The following CA10 variants were observed in gnomAD, a reference collection of about 807,000 sequenced individuals.
CA10 encodes carbonic anhydrase-related protein 10.
A neutral mutation model predicts 44.2 loss-of-function variants in CA10; 14 were observed. The ratio of observed to expected loss-of-function variants is 0.32; its 90% CI spans 0.21 to 0.50. The LOEUF (loss-of-function observed/expected upper bound fraction) is 0.50, where lower values mean the gene tolerates loss of function less well. Ranked by LOEUF, CA10 falls within the 20% of genes least tolerant of loss-of-function variation. The pLI is 0.99. For synonymous variants in CA10, 159 were observed against 141.6 expected (o/e 1.12, Z -0.87); for missense variants, 350 against 409.7 (o/e 0.85, Z 1.26).
chr17:51,653,688 C>A lies in CA10; in HGVS notation c.514G>T (p.Ala172Ser), dbSNP rs2042854654. 1 of 1,611,960 alleles carries A rather than the reference C, an allele frequency of 6.2e-7. No homozygotes were observed. Among genetic ancestry groups the A allele is most frequent in the Non-Finnish European group, 8.5e-7 (1 of 1,178,042 alleles). ...NHELYTNVTE[A>S]AKSPNGLVVV... ...ACCAATCCATTTGGACTCTTTGCAG[C>A]TTCTGTGACATTCGTATATAGCTCA... Residue 172 changes from alanine to serine, a missense_variant, in exon 5 of 9, where the codon GCT becomes TCT. Coordinates refer to ENST00000451037, the MANE Select transcript of CA10 (RefSeq NM_020178.5).
At chr17:51,976,844 A>G (rs1189792206) in intron 2 of CA10, among the ~76,000 whole-genome samples, 1 of 152,054 alleles carries the variant, frequency 6.6e-6, no homozygotes, top group Non-Finnish European at 1.5e-5. Context: ...TCACGATGAA[A>G]AGGTAAAACA....
chr17:52,136,268 G>T (rs891535950), intron 1 of CA10, among the ~76,000 whole-genome samples: 2 of 152,166 alleles, frequency 1.3e-5, no homozygotes, highest in African/African-American at 4.8e-5. Flanking sequence ...TGAAGTTAGT[G>T]GTTGCACAAT....
intron 1 of CA10, among the ~76,000 whole-genome samples, chr17:52,085,317 C>T (rs1988088839): frequency 6.6e-6 from 1 of 152,186 alleles, no homozygotes; most frequent in Admixed American, 6.5e-5. Context: ...CATCCATGCT[C>T]CCTGCTGTGG....
chr17:51,824,178 T>C lies in CA10; in HGVS notation c.280-76360A>G, dbSNP rs144777054. ...GAATGAACATATGAGTTAGGTTTCATGGCTCTTTTACTGAGAAATAAACCA... is the reference window on the plus strand; with the variant it reads ...GAATGAACATATGAGTTAGGTTTCACGGCTCTTTTACTGAGAAATAAACCA... On this transcript the variant is annotated intron_variant, in intron 3 of 8. Transcript: ENST00000451037. 1.4e-3 allele frequency among the ~76,000 whole-genome samples: 210 copies of C among 152,358 alleles called. 1 individual carries two copies. The highest frequency in any genetic ancestry group is 5.0e-3 in the African/African-American group (206 of 41,590).
chr17:51,714,418 G>A (rs1377400523), intron 4 of CA10, among the ~76,000 whole-genome samples: 2 of 152,114 alleles, frequency 1.3e-5, no homozygotes, highest in Non-Finnish European at 2.9e-5. Context: ...GAGATTTAAG[G>A]CAGTGTATAA....
intron 1 of CA10, among the ~76,000 whole-genome samples, chr17:52,134,713 C>T (rs1989313642): frequency 6.6e-6 from 1 of 152,172 alleles, no homozygotes; most frequent in Non-Finnish European, 1.5e-5. Context: ...TACAACTGCA[C>T]ATCTGCCTCT....
intron 4 of CA10, among the ~76,000 whole-genome samples, chr17:51,744,887 T>G (rs1268954572): frequency 6.6e-6 from 1 of 152,202 alleles, no homozygotes; most frequent in African/African-American, 2.4e-5. Context: ...TTTCGGGGAC[T>G]CTGAAATTCT....
intron 3 of CA10, among the ~76,000 whole-genome samples, chr17:51,894,471 G>T (rs771159376): frequency 2.0e-5 from 3 of 152,044 alleles, no homozygotes; most frequent in Non-Finnish European, 4.4e-5. Flanking sequence ...CTAAAGAAAA[G>T]ACTTCCCAGT....
chr17:51,897,202 G>C (rs906092337), intron 3 of CA10, among the ~76,000 whole-genome samples: 2 of 152,014 alleles, frequency 1.3e-5, no homozygotes, highest in African/African-American at 4.8e-5. Context: ...TGTGGTTTTA[G>C]GTTTTACATT....
chr17:51,953,085 T>A (rs1301726725), intron 2 of CA10, among the ~76,000 whole-genome samples: 1 of 152,172 alleles, frequency 6.6e-6, no homozygotes, highest in African/African-American at 2.4e-5. Context: ...TTATACAAAC[T>A]TTCCTCGTTT....
chr17:51,846,647 C>A (rs554923497), intron 3 of CA10, among the ~76,000 whole-genome samples: 1 of 152,284 alleles, frequency 6.6e-6, no homozygotes, highest in Admixed American at 6.5e-5. Context: ...CTTTTGAATG[C>A]CAGCAAAAAG....
chr17:51,946,799 C>T (rs753314522), intron 2 of CA10, among the ~76,000 whole-genome samples: 7 of 152,062 alleles, frequency 4.6e-5, no homozygotes, highest in Non-Finnish European at 8.8e-5. Flanking sequence ...CATGTTTTTG[C>T]GTCTTAATAA....
chr17:51,685,758 G>T (rs1914987609), intron 4 of CA10, among the ~76,000 whole-genome samples: 1 of 152,202 alleles, frequency 6.6e-6, no homozygotes, highest in Admixed American at 6.5e-5. Flanking sequence ...CAACAGAGGT[G>T]AAGGTTGAAG....
intron 4 of CA10, among the ~76,000 whole-genome samples, chr17:51,715,190 G>A (rs534135371): frequency 2.0e-5 from 3 of 151,970 alleles, no homozygotes; most frequent in South Asian, 2.1e-4. Flanking sequence ...CACAGGAAGC[G>A]GAACATCACA....
Position 51,731,802 on chromosome 17 carries a change from C to T in CA10, c.465+15831G>A, listed in dbSNP as rs766080429. ...AAGCAATTCTTGTGCCTCAGCCTCC[C>T]GAGTAGCTGGGATTACAGACACCCA... On this transcript the variant is annotated intron_variant, in intron 4 of 8. Transcript: ENST00000451037. Among the ~76,000 whole-genome samples the T allele has an allele frequency of 1.2e-4, 18 of 152,014 alleles. No homozygotes were observed. The South Asian group carries it at 2.5e-3, about 21-fold the overall frequency.
chr17:51,839,268 G>A (rs940992454), intron 3 of CA10, among the ~76,000 whole-genome samples: 5 of 152,062 alleles, frequency 3.3e-5, no homozygotes, highest in African/African-American at 4.8e-5. Context: ...CAAGGTGGGC[G>A]GATCACGAGG....
intron 2 of CA10, among the ~76,000 whole-genome samples, chr17:52,017,605 C>G (rs181725599): frequency 6.6e-6 from 1 of 152,004 alleles, no homozygotes; most frequent in Non-Finnish European, 1.5e-5. Flanking sequence ...GTTAATTAGA[C>G]GCACATGCAA....
intron 1 of CA10, among the ~76,000 whole-genome samples, chr17:52,141,972 G>C (rs1248592699): frequency 1.3e-5 from 2 of 152,204 alleles, no homozygotes; most frequent in East Asian, 3.9e-4. Flanking sequence ...GACAAGAAGA[G>C]CCGATGGGGC....
chr17:52,132,080 C>G (rs930710261), intron 1 of CA10, among the ~76,000 whole-genome samples: 5 of 151,700 alleles, frequency 3.3e-5, no homozygotes, highest in African/African-American at 1.2e-4. Flanking sequence ...TTAATGGGTA[C>G]AGCACACCAG....
Sources: allele counts gnomAD v4.1 joint callset (sites outside exome capture counted in the v4.1 genomes callset), GRCh38; gene constraint gnomAD v4.1.1; transcripts MANE v1.5; gene names NCBI Gene and HGNC (gene_info 2026-07-23, HGNC 2026-07-21).